RELN: variants seen among roughly 807,000 people sequenced by gnomAD.
RELN encodes the protein reelin.
RELN carries 108 observed loss-of-function variants against 427.6 expected under a neutral mutation model. The ratio of observed to expected loss-of-function variants is 0.25; its 90% CI spans 0.22 to 0.30. The LOEUF is 0.30. Ranked by LOEUF, RELN falls within the 10% of genes least tolerant of loss-of-function variation. RELN has a pLI of 1.00. For synonymous variants in RELN, 1,524 were observed against 1,513.4 expected (o/e 1.01, Z -0.16); for missense variants, 3,715 against 4,302.8 (o/e 0.86, Z 3.82).
At chr7:103,960,493 A>G (rs1408540347) in intron 1 of RELN, among the ~76,000 whole-genome samples, 1 of 152,138 alleles carries the variant, frequency 6.6e-6, no homozygotes, top group East Asian at 1.9e-4. Flanking sequence ...CTCATCTAAC[A>G]TACTATATAT....
intron 2 of RELN, among the ~76,000 whole-genome samples, chr7:103,858,048 A>G (rs1877109): frequency 6.6e-6 from 1 of 151,948 alleles, no homozygotes; most frequent in Non-Finnish European, 1.5e-5. Context: ...TGTCACCAGA[A>G]GTTAACTATG....
intron 58 of RELN, 105 bp downstream of exon 58, chr7:103,491,848 T>TCA (rs1216428915): frequency 1.1e-3 from 616 of 581,456 alleles, no homozygotes; most frequent in South Asian, 1.4e-3. Flanking sequence ...TCTCTCTCTC[T>TCA]CTCTCTCTCA....
chr7:103,805,141 C>T (rs145421171), intron 3 of RELN, among the ~76,000 whole-genome samples: 1 of 151,876 alleles, frequency 6.6e-6, no homozygotes, highest in Non-Finnish European at 1.5e-5. Flanking sequence ...AACAATCTGG[C>T]TGAGTGAACT....
At chr7:103,917,357 G>T (rs138909613) in intron 1 of RELN, among the ~76,000 whole-genome samples, 172 bp from the exon 2 acceptor site, 1 of 152,002 alleles carries the variant, frequency 6.6e-6, no homozygotes, top group Non-Finnish European at 1.5e-5. Context: ...AAAGAAGCTC[G>T]GAACTCCAGT....
intron 17 of RELN, among the ~76,000 whole-genome samples, chr7:103,639,528 T>C (rs1179013877): frequency 6.6e-6 from 1 of 151,346 alleles, no homozygotes; most frequent in Non-Finnish European, 1.5e-5. Flanking sequence ...GCCTCCCGAG[T>C]AGCTGGGATT....
chr7:103,619,289 C>T (rs1015088467), intron 20 of RELN, among the ~76,000 whole-genome samples: 10 of 152,066 alleles, frequency 6.6e-5, no homozygotes, highest in South Asian at 4.1e-4. Flanking sequence ...CCATGATGAC[C>T]ACAAATGAAT....
intron 2 of RELN, among the ~76,000 whole-genome samples, chr7:103,913,097 T>A (rs1795406220): frequency 6.6e-6 from 1 of 152,180 alleles, no homozygotes; most frequent in Non-Finnish European, 1.5e-5. Flanking sequence ...GGCATTTGTC[T>A]ATTTTTGGTC....
chr7:103,976,055 G>A (rs1365032300), intron 1 of RELN, among the ~76,000 whole-genome samples: 3 of 152,142 alleles, frequency 2.0e-5, no homozygotes, highest in Non-Finnish European at 4.4e-5. Flanking sequence ...GGTTTCAGTG[G>A]AGGAATAAGA....
chr7:103,743,066 A>G (rs13311283), intron 6 of RELN, among the ~76,000 whole-genome samples: 26,355 of 142,200 alleles, frequency 0.19, 3,371 homozygotes, highest in African/African-American at 0.35. Context: ...CTGATCTCTC[A>G]GCAGAAACTC....
At chr7:103,882,076 C>T (rs182289098) in intron 2 of RELN, among the ~76,000 whole-genome samples, 2 of 152,234 alleles carry the variant, frequency 1.3e-5, no homozygotes, top group African/African-American at 4.8e-5. Flanking sequence ...TTCTTTCTAC[C>T]TTATTTTAAT....
intron 11 of RELN, among the ~76,000 whole-genome samples, chr7:103,678,903 G>C (rs1833595767): frequency 6.6e-6 from 1 of 152,170 alleles, no homozygotes; most frequent in Non-Finnish European, 1.5e-5. Context: ...GTTTGTGTGG[G>C]TGGTGGTGGA....
chr7:103,518,584 C>G (rs1311886403), intron 49 of RELN, among the ~76,000 whole-genome samples: 1 of 148,474 alleles, frequency 6.7e-6, no homozygotes, highest in African/African-American at 2.6e-5. Flanking sequence ...GATCCTCCTG[C>G]CTTGGCTTCC....
chr7:103,566,087 T>C (rs1830744208), intron 33 of RELN, 137 bp downstream of exon 33: 12 of 761,948 alleles, frequency 1.6e-5, no homozygotes, highest in Non-Finnish European at 2.7e-5. Context: ...CAATAAAACT[T>C]TTTTTTCACT....
intron 53 of RELN, 27 bp downstream of exon 53, chr7:103,500,718 G>C: frequency 1.2e-6 from 2 of 1,612,744 alleles, no homozygotes; most frequent in Non-Finnish European, 1.7e-6. Context: ...TGTGAGTAAT[G>C]CGTCTTGTCC....
chr7:103,677,105 CT>C (rs997078076), intron 11 of RELN, among the ~76,000 whole-genome samples: 28 of 152,008 alleles, frequency 1.8e-4, no homozygotes, highest in African/African-American at 6.3e-4. Context: ...AGTTGCTGTC[CT>C]TTGCAGGGAC....
chr7:103,764,970 T>C (rs984040300), intron 4 of RELN, among the ~76,000 whole-genome samples: 3 of 151,716 alleles, frequency 2.0e-5, no homozygotes, highest in Non-Finnish European at 2.9e-5. Context: ...TCTGGATTAG[T>C]TGGCACCCTA....
At chr7:103,764,122 T>A (rs987659081) in intron 4 of RELN, among the ~76,000 whole-genome samples, 1 of 152,168 alleles carries the variant, frequency 6.6e-6, no homozygotes, top group South Asian at 2.1e-4. Context: ...TAGAATATAT[T>A]GAGTTCAAGG....
At chr7:103,976,897 C>T (rs1320290155) in intron 1 of RELN, among the ~76,000 whole-genome samples, 3 of 151,642 alleles carry the variant, frequency 2.0e-5, no homozygotes, top group African/African-American at 4.8e-5. Flanking sequence ...ATAAAAAATA[C>T]AAAAATGAGT....
In RELN at chr7:103,578,788, A is replaced by G. The variant is rs362653; in HGVS notation, c.4146-3083T>C. ...GTTAATAAGTATGTCTCAATTCTAT[A>G]CTTTTAGAGTAGAGGAGATACAGCC... On this transcript the variant is annotated intron_variant, in intron 28 of 64. Transcript: ENST00000428762. Among the ~76,000 whole-genome samples, 951 of 152,330 alleles carry G rather than the reference A, an allele frequency of 6.2e-3. 12 individuals are homozygous for G. Among genetic ancestry groups the G allele is most frequent in the African/African-American group, 0.022 (895 of 41,570 alleles).
Sources: allele counts gnomAD v4.1 joint callset (sites outside exome capture counted in the v4.1 genomes callset), GRCh38; gene constraint gnomAD v4.1.1; transcripts MANE v1.5; gene names NCBI Gene and HGNC (gene_info 2026-07-23, HGNC 2026-07-21).